PDXDC1: variants seen among roughly 807,000 people sequenced by gnomAD.
PDXDC1 encodes pyridoxal-dependent decarboxylase domain-containing protein 1.
PDXDC1 carries 42 observed loss-of-function variants against 100.1 expected under a neutral mutation model. The ratio of observed to expected loss-of-function variants is 0.42; its 90% CI spans 0.33 to 0.54. PDXDC1 has a LOEUF of 0.54. Ranked by LOEUF, PDXDC1 falls within the 20% of genes least tolerant of loss-of-function variation. The pLI is 0.10. For missense variants in PDXDC1, 636 were observed against 979.2 expected (o/e 0.65, Z 4.68); for synonymous variants, 260 against 371.7 (o/e 0.70, Z 3.46).
At chr16:15,019,258 C>A (rs2042004260) in intron 12 of PDXDC1, among the ~76,000 whole-genome samples, 1 of 152,232 alleles carries the variant, frequency 6.6e-6, no homozygotes, top group South Asian at 2.1e-4. Context: ...GAGAAGGGTG[C>A]AAAAGGTGGA....
intron 16 of PDXDC1, among the ~76,000 whole-genome samples, chr16:15,078,300 C>T (rs2045551485): frequency 6.6e-6 from 1 of 152,112 alleles, no homozygotes; most frequent in Non-Finnish European, 1.5e-5. Context: ...AAGCTCCTCT[C>T]CCCTCAGTCC....
In PDXDC1 at chr16:15,094,140, C is replaced by T. The variant is rs767907926; in HGVS notation, c.1400-44739C>T. ...ATACGCAGAAGGAAGCGGCCTGAAT[C>T]TTACCCAGTCCTCGACGCGCCCAGC... On this transcript the variant is annotated intron_variant, in intron 16 of 16. Coordinates refer to the PDXDC1 transcript ENST00000535621. 6.1e-5 allele frequency: 97 copies of T among 1,593,160 alleles called. No homozygotes were observed. The highest frequency in any genetic ancestry group is 8.0e-5 in the Non-Finnish European group (93 of 1,169,630).
chr16:15,013,065 G>A (rs2041460322), intron 8 of PDXDC1, among the ~76,000 whole-genome samples: 1 of 152,272 alleles, frequency 6.6e-6, no homozygotes, highest in African/African-American at 2.4e-5. Flanking sequence ...AGCTACTTGG[G>A]AGGCCGAGGC....
At chr16:15,104,209 A>G (rs538834547) in intron 16 of PDXDC1, 62,525 of 1,012,310 alleles carry the variant, frequency 0.062, 2,119 homozygotes, top group Non-Finnish European at 0.068. Flanking sequence ...TACATAACCA[A>G]CCACTTCTAA....
At position 15,029,981 on chromosome 16, in the gene PDXDC1, G is replaced by C. The variant is rs1429629926; in HGVS notation, c.1324G>C (p.Ala442Pro). 2.6e-6 allele frequency: 4 copies of C among 1,555,172 alleles called. No individual in the cohort carries two copies. In the South Asian group the frequency reaches 4.8e-5, roughly 18 times the overall value. ...AGAACAGCTGAAGCAGCTGGTGCCT[G>C]CAAGCGGCCTCACAGTCATGGATCT... ...LGEQLKQLVP[A>P]SGLTVMDLEA... Residue 442 changes from alanine to proline, a missense_variant, in exon 16 of 23, where the codon GCA (alanine) becomes CCA (proline). By Grantham distance (27) the Ala-to-Pro change is conservative (BLOSUM62 -1). Around this residue, in one of 4 missense-constraint regions of PDXDC1, gnomAD observed 15 missense variants for 49.6 expected, o/e 0.30. Transcript: ENST00000396410.
At chr16:14,996,876 C>T (rs1409853079) in intron 1 of PDXDC1, among the ~76,000 whole-genome samples, 1 of 152,298 alleles carries the variant, frequency 6.6e-6, no homozygotes, top group Admixed American at 6.5e-5. Flanking sequence ...GTCAAAATAG[C>T]TTGTCTTTGT....
intron 1 of PDXDC1, among the ~76,000 whole-genome samples, chr16:14,984,495 A>ATATATATATATATATATATATATAT (rs1555542734): frequency 2.7e-5 from 2 of 73,482 alleles, no homozygotes; most frequent in South Asian, 5.4e-4. Context: ...ATATATATAT[A>ATATATATATATATATATATATATAT]TTTTTTTTTT....
chr16:15,090,873 G>GT (rs4012873), intron 16 of PDXDC1, among the ~76,000 whole-genome samples: 1,387 of 128,094 alleles, frequency 0.011, 11 homozygotes, highest in Non-Finnish European at 0.014. Flanking sequence ...TCAGTGGTTT[G>GT]TTTTTTTTTT....
intron 16 of PDXDC1, among the ~76,000 whole-genome samples, chr16:15,067,811 G>A (rs545327232): frequency 1.6e-4 from 24 of 152,290 alleles, no homozygotes; most frequent in African/African-American, 5.1e-4. Flanking sequence ...AGACTGGAGT[G>A]CAGTGGTACA....
At chr16:15,020,246 A>C (rs1323034994) in intron 12 of PDXDC1, among the ~76,000 whole-genome samples, 2 of 152,294 alleles carry the variant, frequency 1.3e-5, no homozygotes, top group African/African-American at 4.8e-5. Flanking sequence ...TTATATGACA[A>C]GGATTGCCAG....
intron 17 of PDXDC1, 172 bp from the exon 18 acceptor site, chr16:15,032,689 C>CT: frequency 2.3e-6 from 1 of 433,114 alleles, no homozygotes; most frequent in Non-Finnish European, 4.1e-6. Flanking sequence ...GTGACTTTCT[C>CT]TTTACTCCTG....
chr16:15,142,699 G>C (rs1339386779), downstream of PDXDC1, among the ~76,000 whole-genome samples: 1 of 152,106 alleles, frequency 6.6e-6, no homozygotes, highest in Non-Finnish European at 1.5e-5. Flanking sequence ...TCGCCGTTCT[G>C]GGGGAACGCC....
At chr16:15,143,143 C>G (rs1346066832), downstream of PDXDC1, among the ~76,000 whole-genome samples, 2 of 152,152 alleles carry the variant, frequency 1.3e-5, no homozygotes, top group Non-Finnish European at 2.9e-5. Flanking sequence ...CCCCCAGCGC[C>G]GAGCGTCCGA....
rs117248301 is a variant in PDXDC1 at position 15,033,432 on chromosome 16, C to T, written c.1812+33C>T. 1.4e-4 allele frequency: 217 copies of T among 1,606,580 alleles called. No individual in the cohort carries two copies. In the East Asian group the frequency reaches 4.3e-3, roughly 32 times the overall value. ...GCACCCATCAGTGTTCATTCCTCTTCTGAGTTTTGTCCCACCAAACAGCAG... is the reference window on the plus strand; with the variant it reads ...GCACCCATCAGTGTTCATTCCTCTTTTGAGTTTTGTCCCACCAAACAGCAG... On this transcript the variant is annotated intron_variant, in intron 19 of 22. Transcript: ENST00000396410.
intron 16 of PDXDC1, among the ~76,000 whole-genome samples, chr16:15,091,743 A>G (rs1388502850): frequency 6.6e-6 from 1 of 152,250 alleles, no homozygotes; most frequent in Non-Finnish European, 1.5e-5. Context: ...GATATTACAT[A>G]TAAACATATG....
At chr16:15,061,570 A>C (rs1012021091) in intron 16 of PDXDC1, 1 of 506,930 alleles carries the variant, frequency 2.0e-6, no homozygotes, top group African/African-American at 1.9e-5. Context: ...CAACAACAAC[A>C]AAAAAACCCA....
rs1399173286 is a variant in PDXDC1, at chr16:15,035,561, A to C, written c.2107+8A>C. On this transcript the variant is annotated splice_region_variant and intron_variant, in intron 22 of 22. Coordinates refer to ENST00000396410, the MANE Select transcript of PDXDC1 (RefSeq NM_015027.4). ...CCAAGCAGAGGCTTCCAGGTAAGTG[A>C]CGCCTCTGCACCGAGTTCAGGTAAC... 4 of 1,550,974 alleles carry C rather than the reference A, an allele frequency of 2.6e-6. No homozygotes were observed. Among genetic ancestry groups the C allele is most frequent in the Middle Eastern group, 2.0e-4 (1 of 4,960 alleles).
chr16:15,029,745 A>G lies in PDXDC1; in HGVS notation c.1294-206A>G, dbSNP rs577862145. 1.4e-4 allele frequency: 79 copies of G among 572,344 alleles called. No homozygotes were observed. The East Asian group carries it at 2.1e-3, about 15-fold the overall frequency. 35.5% of individuals were successfully genotyped at this position (572,344 alleles called of 1,614,324 possible). A position where few individuals can be genotyped will look rare whatever the true frequency, so the allele number is the denominator to read the frequency against. On this transcript the variant is annotated intron_variant, in intron 15 of 22. Coordinates refer to ENST00000396410, the MANE Select transcript of PDXDC1 (RefSeq NM_015027.4). ...CTTTTTGTTTACTTGTATTTCCTAA[A>G]TTTTTCTACAATGAACTTGTATTAA... is the stretch of plus-strand genomic sequence containing the variant.
At chr16:14,991,214 T>G (rs1970705353) in intron 1 of PDXDC1, among the ~76,000 whole-genome samples, 1 of 152,280 alleles carries the variant, frequency 6.6e-6, no homozygotes, top group African/African-American at 2.4e-5. Context: ...TCACACAATG[T>G]GGCTTCTAAA....
Sources: gnomAD v4.1 joint callset for allele counts (sites outside exome capture counted in the v4.1 genomes callset) on GRCh38, gnomAD v4.1.1 for gene constraint, gnomAD v4.1.1 regional missense constraint, MANE v1.5 for transcripts, NCBI Gene and HGNC (gene_info 2026-07-23, HGNC 2026-07-21) for gene names.